Variants in SLC35F4 observed in about 807,000 individuals in gnomAD.
SLC35F4 encodes the protein chromosome 14 open reading frame 36.
Under a neutral mutation model 44.2 loss-of-function variants are expected in SLC35F4, and 24 were observed. The observed-to-expected ratio is 0.54, with a 90% CI of 0.39 to 0.76. SLC35F4 has a LOEUF of 0.76. Among genes scored for constraint, SLC35F4 ranks in the 30% least tolerant of loss-of-function variants. SLC35F4 has a pLI of 0.00. For missense variants in SLC35F4, 562 were observed against 586.1 expected (o/e 0.96, Z 0.42); for synonymous variants, 238 against 223.6 (o/e 1.06, Z -0.57).
chr14:57,766,972 A>G (rs117711949), intron 1 of SLC35F4, among the ~76,000 whole-genome samples: 2,872 of 152,342 alleles, frequency 0.019, 49 homozygotes, highest in Non-Finnish European at 0.03. Flanking sequence ...ACTAATATCT[A>G]ATAAAGTGAA....
At chr14:57,868,134 A>G (rs573352863), upstream of SLC35F4, among the ~76,000 whole-genome samples, 13 of 152,376 alleles carry the variant, frequency 8.5e-5, no homozygotes, top group South Asian at 2.5e-3. Flanking sequence ...TTTAAATACT[A>G]CAATGTAAAC....
At chr14:57,623,197 G>C (rs1191515389) in intron 1 of SLC35F4, among the ~76,000 whole-genome samples, 1 of 152,046 alleles carries the variant, frequency 6.6e-6, no homozygotes, top group Non-Finnish European at 1.5e-5. Flanking sequence ...AACCAACAAA[G>C]ATCAAAAAAG....
At chr14:57,932,006 G>A (rs568602652) in intron 1 of SLC35F4, among the ~76,000 whole-genome samples, 79 of 152,168 alleles carry the variant, frequency 5.2e-4, no homozygotes, top group Non-Finnish European at 9.0e-4. Flanking sequence ...ACAATGGCCG[G>A]TGTCCTTGAA....
At chr14:57,950,633 C>CCATTGTCAT (rs2141080121) in intron 1 of SLC35F4, among the ~76,000 whole-genome samples, 1 of 150,516 alleles carries the variant, frequency 6.6e-6, no homozygotes, top group East Asian at 2.0e-4. Context: ...CTTTTCCAGC[C>CCATTGTCAT]CATTGTCATT....
chr14:57,798,683 A>T (rs1421119652), intron 1 of SLC35F4, among the ~76,000 whole-genome samples: 4 of 152,230 alleles, frequency 2.6e-5, no homozygotes, highest in African/African-American at 9.6e-5. Context: ...ATCTGAACAA[A>T]TCAACTTTAT....
chr14:57,703,455 T>C (rs142661199), intron 1 of SLC35F4, among the ~76,000 whole-genome samples: 85 of 152,308 alleles, frequency 5.6e-4, no homozygotes, highest in African/African-American at 1.9e-3. Context: ...AACAGACAAA[T>C]GTGAGTAATC....
chr14:57,834,281 T>C (rs1314074102), intron 1 of SLC35F4, among the ~76,000 whole-genome samples: 1 of 152,226 alleles, frequency 6.6e-6, no homozygotes, highest in Non-Finnish European at 1.5e-5. Flanking sequence ...CTGCAAGATT[T>C]TGCACTTCAC....
intron 1 of SLC35F4, among the ~76,000 whole-genome samples, chr14:57,777,686 G>A (rs1034192361): frequency 2.6e-5 from 4 of 152,040 alleles, no homozygotes; most frequent in African/African-American, 9.7e-5. Flanking sequence ...TGTAAATGAC[G>A]AGTTGATGAG....
At chr14:57,918,361 C>T (rs1266340078) in intron 1 of SLC35F4, among the ~76,000 whole-genome samples, 2 of 152,182 alleles carry the variant, frequency 1.3e-5, no homozygotes, top group Non-Finnish European at 2.9e-5. Context: ...AAGATTCCTA[C>T]TCTGGTAAGT....
At chr14:57,593,064 C>T (rs2070290597) in intron 2 of SLC35F4, among the ~76,000 whole-genome samples, 1 of 152,132 alleles carries the variant, frequency 6.6e-6, no homozygotes, top group African/African-American at 2.4e-5. Context: ...ACAATCATAC[C>T]ACAAGTCATC....
chr14:57,849,900 T>C (rs1414661173), intron 1 of SLC35F4, among the ~76,000 whole-genome samples: 1 of 152,132 alleles, frequency 6.6e-6, no homozygotes, highest in Non-Finnish European at 1.5e-5. Context: ...CACACACCCC[T>C]GAGGAAACTT....
At chr14:57,566,974 G>A (rs188490733) in intron 6 of SLC35F4, among the ~76,000 whole-genome samples, 19 of 152,240 alleles carry the variant, frequency 1.2e-4, no homozygotes, top group African/African-American at 4.6e-4. Context: ...TGGCTCTAGT[G>A]TTACTGCCTA....
At position 57,724,137 on chromosome 14, in the gene SLC35F4, G is replaced by A. The variant is rs180842327; in HGVS notation, c.104-130013C>T. 4.6e-5 allele frequency among the ~76,000 whole-genome samples: 7 copies of A among 152,298 alleles called. No individual in the cohort carries two copies. In the East Asian group the frequency reaches 1.2e-3, roughly 25 times the overall value. ...GCCCATTTATCAAGTGACCTGAAAG[G>A]CTGCCAGTTTTGAGTGGGGTACAGA... On this transcript the variant is annotated intron_variant, in intron 1 of 7. Coordinates refer to ENST00000556826, the MANE Select transcript of SLC35F4 (RefSeq NM_001306087.2).
intron 1 of SLC35F4, among the ~76,000 whole-genome samples, chr14:57,891,603 C>T (rs1197048771): frequency 1.3e-5 from 2 of 152,072 alleles, no homozygotes; most frequent in Admixed American, 1.3e-4. Context: ...TTGGGCCAGG[C>T]AAGGTGGCTG....
intron 1 of SLC35F4, among the ~76,000 whole-genome samples, chr14:57,964,991 A>AATATATATATATATAT (rs1212108605): frequency 2.5e-4 from 29 of 115,664 alleles, no homozygotes; most frequent in African/African-American, 9.9e-4. Flanking sequence ...AAAAAAAAAA[A>AATATATATATATATAT]ATATATATAT....
At chr14:57,733,851 T>C (rs574351647) in intron 1 of SLC35F4, among the ~76,000 whole-genome samples, 2 of 152,138 alleles carry the variant, frequency 1.3e-5, no homozygotes, top group Non-Finnish European at 2.9e-5. Context: ...TGCCATTTAG[T>C]TTCCAAAAGA....
intron 1 of SLC35F4, among the ~76,000 whole-genome samples, chr14:57,917,017 TTTTG>T (rs151134275): frequency 0.11 from 16,394 of 152,020 alleles, 1,154 homozygotes; most frequent in Non-Finnish European, 0.16. Flanking sequence ...CTGGTTTTGT[TTTTG>T]TTTGTTTGTT....
At chr14:57,752,744 C>A (rs2076914989) in intron 1 of SLC35F4, among the ~76,000 whole-genome samples, 1 of 152,142 alleles carries the variant, frequency 6.6e-6, no homozygotes, top group Non-Finnish European at 1.5e-5. Flanking sequence ...CAGGCGTGAG[C>A]CACTGCACCT....
chr14:57,672,295 C>G (rs1338893950), intron 1 of SLC35F4, among the ~76,000 whole-genome samples: 3 of 152,088 alleles, frequency 2.0e-5, no homozygotes, highest in African/African-American at 7.3e-5. Flanking sequence ...AAACATCCCA[C>G]TTTGCCCTAG....
Sources: allele counts gnomAD v4.1 joint callset (sites outside exome capture counted in the v4.1 genomes callset), GRCh38; gene constraint gnomAD v4.1.1; transcripts MANE v1.5; gene names NCBI Gene and HGNC (gene_info 2026-07-23, HGNC 2026-07-21).